The following TMEM132B variants were observed in gnomAD, a reference collection of about 807,000 sequenced individuals.
TMEM132B encodes transmembrane protein 132B.
In TMEM132B, 18 loss-of-function variants were observed where a neutral mutation model predicts 90.8. The observed-to-expected ratio is 0.20, with a 90% confidence interval of 0.14 to 0.29. TMEM132B has a LOEUF of 0.29. TMEM132B is among the 10% of genes least tolerant of loss of function. The probability of loss-of-function intolerance (pLI) is 1.00; values close to 1 mark genes in which losing one functional copy is unlikely to be tolerated. For synonymous variants in TMEM132B, 504 were observed against 523.3 expected (o/e 0.96, Z 0.50); for missense variants, 1,096 against 1,326.8 (o/e 0.83, Z 2.70).
At chr12:125,473,170 A>T (rs1368189841) in intron 3 of TMEM132B, among the ~76,000 whole-genome samples, 5 of 152,066 alleles carry the variant, frequency 3.3e-5, no homozygotes, top group Admixed American at 6.5e-5. Context: ...TGGTCAGCTC[A>T]TTCCCACCTC....
intron 1 of TMEM132B, among the ~76,000 whole-genome samples, chr12:125,265,379 CA>C (rs1468707241): frequency 6.6e-6 from 1 of 151,904 alleles, no homozygotes; most frequent in Non-Finnish European, 1.5e-5. Flanking sequence ...AGATGAATGA[CA>C]ATAACAAAAT....
chr12:125,609,125 G>A (rs988521532), intron 5 of TMEM132B, among the ~76,000 whole-genome samples: 2 of 152,082 alleles, frequency 1.3e-5, no homozygotes, highest in African/African-American at 2.4e-5. Flanking sequence ...CATCATGGGG[G>A]AAACCACCCC....
At position 125,657,458 on chromosome 12, in the gene TMEM132B, A is replaced by C. The variant is rs1309239998; in HGVS notation, c.*2748A>C. 2 of 152,102 alleles carry C rather than the reference A, an allele frequency of 1.3e-5. No homozygotes were observed. The highest frequency in any genetic ancestry group is 1.9e-4 in the East Asian group (1 of 5,196). 9.4% of individuals were successfully genotyped at this position (152,102 alleles called of 1,614,324 possible). A position where few individuals can be genotyped will look rare whatever the true frequency, so the allele number is the denominator to read the frequency against. On this transcript the variant is annotated 3_prime_UTR_variant, in exon 9 of 9. Coordinates refer to ENST00000682704, the MANE Select transcript of TMEM132B (RefSeq NM_001366854.1). Reference sequence around the variant, plus strand: ...AGATTTGGCATGGATACTATTTCTCATGAAATAATGTCATTAAAGTATTTC... The same window carrying C: ...AGATTTGGCATGGATACTATTTCTCCTGAAATAATGTCATTAAAGTATTTC...
intron 4 of TMEM132B, among the ~76,000 whole-genome samples, chr12:125,551,903 C>T (rs559718449): frequency 6.6e-6 from 1 of 152,234 alleles, no homozygotes; most frequent in South Asian, 2.1e-4. Flanking sequence ...GGAGGAGAAG[C>T]AGAAACACAT....
At chr12:125,370,258 A>G (rs1452242521) in intron 2 of TMEM132B, among the ~76,000 whole-genome samples, 2 of 152,200 alleles carry the variant, frequency 1.3e-5, no homozygotes, top group Non-Finnish European at 1.5e-5. Context: ...TGGTGGATCA[A>G]GAATGTTAGA....
intron 1 of TMEM132B, among the ~76,000 whole-genome samples, chr12:125,323,245 G>A (rs188813774): frequency 6.6e-6 from 1 of 152,246 alleles, no homozygotes; most frequent in East Asian, 1.9e-4. Flanking sequence ...AGACCAGCCT[G>A]GCCAAAATGG....
chr12:125,381,639 C>G (rs150005268), intron 2 of TMEM132B, among the ~76,000 whole-genome samples: 2 of 152,242 alleles, frequency 1.3e-5, no homozygotes, highest in Non-Finnish European at 2.9e-5. Flanking sequence ...GGCTGAGGGG[C>G]AGCAGAGCAG....
chr12:125,289,645 T>A (rs1314514710), intron 1 of TMEM132B, among the ~76,000 whole-genome samples: 1 of 152,250 alleles, frequency 6.6e-6, no homozygotes, highest in Middle Eastern at 3.2e-3. Flanking sequence ...GCATTACACG[T>A]GTTAGCACAT....
At position 125,653,562 on chromosome 12, in the gene TMEM132B, CA is replaced by C; in HGVS notation, c.2107-2del. ...CATAATGCTTTGGTTTCATTTTCCT[CA>C]GGAAGCAATAGTAAGTTCTTGGATT... On this transcript the variant is annotated splice_acceptor_variant, in intron 8 of 8. Transcript: ENST00000682704. LOFTEE classifies it high-confidence loss of function. 1 of 1,596,924 alleles carries C rather than the reference CA, an allele frequency of 6.3e-7. No individual in the cohort carries two copies. Among genetic ancestry groups the C allele is most frequent in the Non-Finnish European group, 8.6e-7 (1 of 1,167,684 alleles).
intron 2 of TMEM132B, among the ~76,000 whole-genome samples, chr12:125,404,697 C>T (rs1014216198): frequency 3.9e-5 from 6 of 152,064 alleles, no homozygotes; most frequent in African/African-American, 1.4e-4. Flanking sequence ...AATGGTTATC[C>T]AAGGCCTCAC....
intron 1 of TMEM132B, among the ~76,000 whole-genome samples, chr12:125,282,921 T>G (rs1875239225): frequency 6.6e-6 from 1 of 152,162 alleles, no homozygotes; most frequent in South Asian, 2.1e-4. Context: ...GGTCCTTATA[T>G]CTTTCTTTGG....
At chr12:125,565,789 G>T (rs1884644910) in intron 4 of TMEM132B, among the ~76,000 whole-genome samples, 1 of 152,172 alleles carries the variant, frequency 6.6e-6, no homozygotes, top group Admixed American at 6.5e-5. Context: ...CTGGAGCCAG[G>T]GGTTTGGGGT....
At position 125,459,133 on chromosome 12, in the gene TMEM132B, T is replaced by C. The variant is rs1178784108; in HGVS notation, c.1106+43456T>C. Among the ~76,000 whole-genome samples the C allele has an allele frequency of 4.6e-5, 7 of 152,200 alleles. No individual in the cohort carries two copies. Among genetic ancestry groups the C allele is most frequent in the Non-Finnish European group, 1.5e-5 (1 of 68,030 alleles). ...GCCCCTGAGGCTCCCTGCTAATTGC[T>C]GTTTCTCATGTGTCCATGCCTGTGT... On this transcript the variant is annotated intron_variant, in intron 3 of 8. Transcript: ENST00000682704. The surrounding 1 kb of genome is among the most constrained non-coding windows in gnomAD (Gnocchi z 4.1).
chr12:125,402,341 C>T (rs1026481627), intron 2 of TMEM132B, among the ~76,000 whole-genome samples: 5 of 152,206 alleles, frequency 3.3e-5, no homozygotes, highest in African/African-American at 4.8e-5. Context: ...AGGCAACCAC[C>T]ACCACGCCTG....
At chr12:125,202,124 G>A (rs1327662591) in intron 1 of TMEM132B, among the ~76,000 whole-genome samples, 1 of 152,218 alleles carries the variant, frequency 6.6e-6, no homozygotes, top group African/African-American at 2.4e-5. Flanking sequence ...AGGCCTCAGG[G>A]ATTGGATCAG....
At chr12:125,616,286 G>A (rs1175308811) in intron 5 of TMEM132B, among the ~76,000 whole-genome samples, 1 of 152,000 alleles carries the variant, frequency 6.6e-6, no homozygotes, top group East Asian at 1.9e-4. Context: ...TTTTATGGCT[G>A]CATAGTATTC....
intron 3 of TMEM132B, among the ~76,000 whole-genome samples, chr12:125,508,995 G>A (rs771927799): frequency 4.0e-5 from 6 of 151,826 alleles, no homozygotes; most frequent in African/African-American, 7.3e-5. Flanking sequence ...TGTTGCCCAG[G>A]CTGGTCTGGA....
chr12:125,290,015 T>C (rs1875489989), intron 1 of TMEM132B, among the ~76,000 whole-genome samples: 1 of 152,200 alleles, frequency 6.6e-6, no homozygotes. Flanking sequence ...ATCAAAGATA[T>C]ACCATGTCAG....
At chr12:125,333,142 C>T (rs1235570243) in intron 1 of TMEM132B, among the ~76,000 whole-genome samples, 1 of 152,144 alleles carries the variant, frequency 6.6e-6, no homozygotes, top group Admixed American at 6.5e-5. Context: ...TGATCTTTGG[C>T]GTTCCTTGGC....
Sources: gnomAD v4.1 joint callset for allele counts (sites outside exome capture counted in the v4.1 genomes callset) on GRCh38, gnomAD v4.1.1 for gene constraint, Gnocchi (gnomAD v3.1) non-coding constraint, MANE v1.5 for transcripts, NCBI Gene and HGNC (gene_info 2026-07-23, HGNC 2026-07-21) for gene names.